The following MYO3B variants were observed in gnomAD, a reference collection of about 807,000 sequenced individuals.
MYO3B encodes the protein myosin-IIIb.
Under a neutral mutation model 174.6 loss-of-function variants are expected in MYO3B, and 156 were observed. The ratio of observed to expected loss-of-function variants is 0.89; its 90% CI spans 0.78 to 1.02. The LOEUF (loss-of-function observed/expected upper bound fraction) is 1.02, where lower values mean the gene tolerates loss of function less well. Among genes scored for constraint, MYO3B ranks in the 50% least tolerant of loss-of-function variants. MYO3B has a pLI of 0.00. For missense variants in MYO3B, 1,632 were observed against 1,639.4 expected (o/e 1.00, Z 0.08); for synonymous variants, 563 against 569.1 (o/e 0.99, Z 0.15).
chr2:170,562,305 C>T (rs1674187252), intron 32 of MYO3B, among the ~76,000 whole-genome samples: 1 of 152,102 alleles, frequency 6.6e-6, no homozygotes, highest in African/African-American at 2.4e-5. Context: ...TAGATGTTAA[C>T]CCTATTTTGA....
rs1436884004 is a variant in MYO3B at position 170,387,280 on chromosome 2, GA to G, written c.1554del (p.Lys518AsnfsTer5). On this transcript the variant is annotated frameshift_variant, in exon 14 of 35. Transcript: ENST00000408978. LOFTEE classifies it high-confidence loss of function. ...MGARISEYLL[E>X]KSRVIKQAAR... is the part of the protein sequence containing the mutation. ...GGCAAGAATCTCTGAATATCTCCTG[GA>G]AAAATCCAGAGTTATAAAACAGGCA... 1 of 1,614,096 alleles carries G rather than the reference GA, an allele frequency of 6.2e-7. No homozygotes were observed. The highest frequency in any genetic ancestry group is 8.5e-7 in the Non-Finnish European group (1 of 1,179,978).
intron 22 of MYO3B, among the ~76,000 whole-genome samples, chr2:170,432,336 C>A (rs1027584675): frequency 6.6e-6 from 1 of 151,740 alleles, no homozygotes; most frequent in Non-Finnish European, 1.5e-5. Flanking sequence ...GTGTAGGCTT[C>A]AGCTAGTATG....
At position 170,443,953 on chromosome 2, in the gene MYO3B, G is replaced by A; in HGVS notation, c.2651-14G>A. On this transcript the variant is annotated splice_polypyrimidine_tract_variant and intron_variant, in intron 22 of 34. Coordinates refer to ENST00000408978, the MANE Select transcript of MYO3B (RefSeq NM_138995.5). Reference sequence around the variant, plus strand: ...TTTTCCTTTAATTTATGTTCTTTGTGGTCTCTTTCTCAGGTAATTTGGCCC... The same window carrying A: ...TTTTCCTTTAATTTATGTTCTTTGTAGTCTCTTTCTCAGGTAATTTGGCCC... The A allele has an allele frequency of 6.2e-7, 1 of 1,600,430 alleles. No homozygotes were observed. The highest frequency in any genetic ancestry group is 8.5e-7 in the Non-Finnish European group (1 of 1,169,690).
intron 7 of MYO3B, among the ~76,000 whole-genome samples, chr2:170,250,314 T>C (rs1382617563): frequency 6.6e-6 from 1 of 152,254 alleles, no homozygotes; most frequent in Admixed American, 6.5e-5. Context: ...AAGTAGTTAC[T>C]GGACCATAGG....
chr2:170,506,132 G>T (rs1687607868), intron 28 of MYO3B, among the ~76,000 whole-genome samples: 1 of 152,200 alleles, frequency 6.6e-6, no homozygotes, highest in Non-Finnish European at 1.5e-5. Flanking sequence ...CTGTGAACAG[G>T]CATTTTAAGC....
chr2:170,544,127 C>G (rs1225470492), intron 32 of MYO3B, 139 bp downstream of exon 32: 1 of 566,660 alleles, frequency 1.8e-6, no homozygotes, highest in Non-Finnish European at 3.2e-6. Context: ...GCCATACATG[C>G]TGGATGTAAA....
chr2:170,611,862 T>C (rs1695143048), intron 32 of MYO3B, among the ~76,000 whole-genome samples: 1 of 152,170 alleles, frequency 6.6e-6, no homozygotes, highest in Non-Finnish European at 1.5e-5. Context: ...GCAGGGTTTT[T>C]CCTCCTGTGT....
intron 25 of MYO3B, among the ~76,000 whole-genome samples, chr2:170,496,819 G>A (rs1444345566): frequency 6.6e-6 from 1 of 151,846 alleles, no homozygotes; most frequent in African/African-American, 2.4e-5. Flanking sequence ...GCAGCGACTG[G>A]ATTTGGCCAT....
chr2:170,445,810 A>C (rs938093451), intron 23 of MYO3B, among the ~76,000 whole-genome samples: 1 of 151,948 alleles, frequency 6.6e-6, no homozygotes, highest in East Asian at 1.9e-4. Flanking sequence ...ACTAAAAAAA[A>C]TTTTTTTTGT....
At chr2:170,315,095 G>T (rs1440459777) in intron 7 of MYO3B, among the ~76,000 whole-genome samples, 1 of 152,140 alleles carries the variant, frequency 6.6e-6, no homozygotes, top group Non-Finnish European at 1.5e-5. Flanking sequence ...GTTTTATTCT[G>T]TTGGTTTATG....
At chr2:170,616,451 A>G (rs1695467606) in intron 32 of MYO3B, among the ~76,000 whole-genome samples, 1 of 152,206 alleles carries the variant, frequency 6.6e-6, no homozygotes, top group Admixed American at 6.5e-5. Context: ...CTGGCAGTCC[A>G]ACCTGGCATT....
chr2:170,456,056 G>A (rs1683889498), intron 23 of MYO3B, among the ~76,000 whole-genome samples: 1 of 152,140 alleles, frequency 6.6e-6, no homozygotes, highest in African/African-American at 2.4e-5. Flanking sequence ...ATGTATTAAC[G>A]GGAATAGGGG....
chr2:170,365,532 G>A (rs913470594), intron 8 of MYO3B, among the ~76,000 whole-genome samples: 2 of 152,090 alleles, frequency 1.3e-5, no homozygotes, highest in Non-Finnish European at 2.9e-5. Flanking sequence ...ATCCAGTAAC[G>A]CAGGACTTTC....
At chr2:170,500,293 C>T (rs1031224358) in intron 27 of MYO3B, among the ~76,000 whole-genome samples, 3 of 152,128 alleles carry the variant, frequency 2.0e-5, no homozygotes, top group African/African-American at 7.2e-5. Context: ...AGGGAAGATT[C>T]AAAGGTTTAC....
chr2:170,262,161 A>G (rs1052312529), intron 7 of MYO3B, among the ~76,000 whole-genome samples: 1 of 152,238 alleles, frequency 6.6e-6, no homozygotes, highest in Non-Finnish European at 1.5e-5. Flanking sequence ...CTTGTACCTC[A>G]TTTAAGCTGA....
intron 32 of MYO3B, among the ~76,000 whole-genome samples, chr2:170,609,715 C>T (rs181394665): frequency 2.0e-5 from 3 of 152,332 alleles, no homozygotes; most frequent in African/African-American, 7.2e-5. Context: ...GGTAAGGTGG[C>T]CACTGCCAGC....
chr2:170,519,792 GC>G (rs1284675463), intron 30 of MYO3B: 5 of 330,640 alleles, frequency 1.5e-5, no homozygotes, highest in African/African-American at 1.1e-4. Context: ...GGCCCACATG[GC>G]AAAACCCCGC....
At chr2:170,308,024 G>T (rs1386203489) in intron 7 of MYO3B, among the ~76,000 whole-genome samples, 1 of 152,154 alleles carries the variant, frequency 6.6e-6, no homozygotes, top group Non-Finnish European at 1.5e-5. Context: ...AACTGAGAAT[G>T]GGAAGTCCCA....
intron 1 of MYO3B, among the ~76,000 whole-genome samples, chr2:170,179,739 T>G (rs1253693833): frequency 6.6e-6 from 1 of 152,328 alleles, no homozygotes; most frequent in East Asian, 1.9e-4. Context: ...AATGATGCAG[T>G]CTGTGGTATT....
Sources: gnomAD v4.1 joint callset for allele counts (sites outside exome capture counted in the v4.1 genomes callset) on GRCh38, gnomAD v4.1.1 for gene constraint, MANE v1.5 for transcripts, NCBI Gene and HGNC (gene_info 2026-07-23, HGNC 2026-07-21) for gene names.